FAR2: variants seen among roughly 807,000 people sequenced by gnomAD.
FAR2 encodes the protein epididymis secretory protein Li 81.
In FAR2, 19 loss-of-function variants were observed where a neutral mutation model predicts 56.0. The observed-to-expected ratio is 0.34, with a 90% confidence interval of 0.24 to 0.50. The LOEUF (loss-of-function observed/expected upper bound fraction) is 0.50, where lower values mean the gene tolerates loss of function less well. Among genes scored for constraint, FAR2 ranks in the 20% least tolerant of loss-of-function variants. The pLI is 0.98. For synonymous variants in FAR2, 219 were observed against 218.8 expected (o/e 1.00, Z -0.01); for missense variants, 508 against 642.2 (o/e 0.79, Z 2.26).
chr12:29,324,203 G>A (rs527984809), intron 10 of FAR2, among the ~76,000 whole-genome samples: 1 of 151,622 alleles, frequency 6.6e-6, no homozygotes, highest in South Asian at 2.1e-4. Context: ...AGAGAAAAAA[G>A]AATAAAAAGA....
intron 1 of FAR2, among the ~76,000 whole-genome samples, chr12:29,201,047 T>A (rs1161988948): frequency 6.6e-6 from 1 of 152,142 alleles, no homozygotes; most frequent in Non-Finnish European, 1.5e-5. Context: ...TGGTGCCCCC[T>A]TGAGAGGAGT....
intron 10 of FAR2, among the ~76,000 whole-genome samples, chr12:29,323,271 C>A (rs1591970368): frequency 6.6e-6 from 1 of 152,222 alleles, no homozygotes; most frequent in Non-Finnish European, 1.5e-5. Flanking sequence ...GGGTGGAGCC[C>A]ACCACAGATC....
At chr12:29,240,012 A>G (rs1215558152) in intron 1 of FAR2, among the ~76,000 whole-genome samples, 1 of 152,174 alleles carries the variant, frequency 6.6e-6, no homozygotes, top group Non-Finnish European at 1.5e-5. Flanking sequence ...TTGAGATGGT[A>G]TCTGCTGCCC....
At chr12:29,232,963 A>C (rs1455724774) in intron 1 of FAR2, among the ~76,000 whole-genome samples, 4 of 152,048 alleles carry the variant, frequency 2.6e-5, no homozygotes, top group African/African-American at 9.7e-5. Flanking sequence ...TTCTCAAGCA[A>C]TGATCTGCTT....
intron 1 of FAR2, among the ~76,000 whole-genome samples, chr12:29,262,207 G>T (rs1037756745): frequency 4.0e-5 from 6 of 150,810 alleles, no homozygotes; most frequent in Non-Finnish European, 4.4e-5. Context: ...CTTTTTGTGT[G>T]TTTTTTTTTG....
At chr12:29,163,640 AG>A (rs1442412245) in intron 1 of FAR2, among the ~76,000 whole-genome samples, 3 of 152,258 alleles carry the variant, frequency 2.0e-5, no homozygotes, top group Non-Finnish European at 4.4e-5. Flanking sequence ...AGAGAAATAA[AG>A]AAATCAAAAT....
chr12:29,223,185 T>C (rs1448894720), intron 1 of FAR2, among the ~76,000 whole-genome samples: 1 of 152,142 alleles, frequency 6.6e-6, no homozygotes, highest in Non-Finnish European at 1.5e-5. Context: ...CACATAGCAG[T>C]TTCAAAGCTT....
At chr12:29,189,949 T>C (rs1950086818) in intron 1 of FAR2, among the ~76,000 whole-genome samples, 1 of 151,784 alleles carries the variant, frequency 6.6e-6, no homozygotes, top group African/African-American at 2.4e-5. Flanking sequence ...GCTGGTAGGA[T>C]TTGATGGTAG....
rs554131013 is a variant in FAR2, at chr12:29,318,703, T to C, written c.1127+1691T>C. On this transcript the variant is annotated intron_variant, in intron 9 of 11. Transcript: ENST00000536681. ...GGGGGTATGTGTGTATATAAATCAA[T>C]TGTACATATTTTACAACTTTTTCCA... Among the ~76,000 whole-genome samples, 11 of 152,332 alleles carry C rather than the reference T, an allele frequency of 7.2e-5. No homozygotes were observed. The South Asian group carries it at 1.9e-3, about 26-fold the overall frequency.
At chr12:29,154,412 T>G (rs1214349812) in intron 1 of FAR2, among the ~76,000 whole-genome samples, 4 of 148,106 alleles carry the variant, frequency 2.7e-5, no homozygotes, top group Non-Finnish European at 5.9e-5. Context: ...GGTTTTGTTT[T>G]TGTTTTTTTT....
chr12:29,333,984 A>G lies in FAR2; in HGVS notation c.*190A>G, dbSNP rs1348061115. ...GAGAAGGAAAGTTGTAAACTAGCCC[A>G]TAGTCACCTATATTTTAGGGAAAAA... On this transcript the variant is annotated 3_prime_UTR_variant, in exon 12 of 12. Transcript: ENST00000536681. 11 of 480,684 alleles carry G rather than the reference A, an allele frequency of 2.3e-5. No homozygotes were observed. The highest frequency in any genetic ancestry group is 5.6e-4 in the Middle Eastern group (1 of 1,784). The allele number at this position is 480,684 out of a possible 1,614,324, so 29.8% of individuals were successfully genotyped here.
chr12:29,177,240 A>G (rs887496883), intron 1 of FAR2, among the ~76,000 whole-genome samples: 1 of 152,212 alleles, frequency 6.6e-6, no homozygotes, highest in Non-Finnish European at 1.5e-5. Flanking sequence ...GAATTTCATC[A>G]GTCTTATTCC....
intron 1 of FAR2, among the ~76,000 whole-genome samples, chr12:29,180,595 C>T (rs1404470293): frequency 2.6e-5 from 4 of 152,096 alleles, no homozygotes; most frequent in East Asian, 1.9e-4. Context: ...CCAGAAATTT[C>T]ATTGTCTTCT....
chr12:29,300,579 C>T (rs555453968), intron 4 of FAR2, among the ~76,000 whole-genome samples: 2 of 152,102 alleles, frequency 1.3e-5, no homozygotes, highest in African/African-American at 4.8e-5. Flanking sequence ...TTTCTATTTC[C>T]CCTGGGAGTT....
At chr12:29,261,134 C>G (rs1948411389) in intron 1 of FAR2, among the ~76,000 whole-genome samples, 1 of 152,182 alleles carries the variant, frequency 6.6e-6, no homozygotes, top group South Asian at 2.1e-4. Context: ...CCCAGGAAAA[C>G]ATAACCTCAC....
At chr12:29,325,329 T>C (rs1181122401) in intron 10 of FAR2, among the ~76,000 whole-genome samples, 2 of 152,052 alleles carry the variant, frequency 1.3e-5, no homozygotes, top group African/African-American at 2.4e-5. Flanking sequence ...CTGTCAACAT[T>C]AGACAGATCA....
intron 1 of FAR2, among the ~76,000 whole-genome samples, chr12:29,247,610 T>C (rs12307403): frequency 0.018 from 2,733 of 152,294 alleles, 85 homozygotes; most frequent in African/African-American, 0.057. Context: ...GAATAACACA[T>C]TGAGATACGG....
chr12:29,312,370 T>C (rs1401219318), intron 8 of FAR2, among the ~76,000 whole-genome samples: 1 of 152,172 alleles, frequency 6.6e-6, no homozygotes, highest in Non-Finnish European at 1.5e-5. Flanking sequence ...AGTTAGGTGA[T>C]ATTAATCCTT....
At chr12:29,287,620 C>CA (rs35049999) in intron 2 of FAR2, among the ~76,000 whole-genome samples, 80,122 of 151,676 alleles carry the variant, frequency 0.53, 21,446 homozygotes, top group East Asian at 0.62. Context: ...ATTTATTTTC[C>CA]AAAAAAAATT....
Sources: allele counts gnomAD v4.1 joint callset (sites outside exome capture counted in the v4.1 genomes callset), GRCh38; gene constraint gnomAD v4.1.1; transcripts MANE v1.5; gene names NCBI Gene and HGNC (gene_info 2026-07-23, HGNC 2026-07-21).